ZNF516: variants seen among roughly 807,000 people sequenced by gnomAD.
ZNF516 encodes zinc finger protein 516.
Under a neutral mutation model 79.7 loss-of-function variants are expected in ZNF516, and 19 were observed. The observed-to-expected ratio is 0.24, with a 90% CI of 0.17 to 0.35. ZNF516 has a LOEUF of 0.35. Ranked by LOEUF, ZNF516 falls within the 10% of genes least tolerant of loss-of-function variation. The pLI is 1.00. For synonymous variants in ZNF516, 877 were observed against 739.5 expected, an observed-to-expected ratio of 1.19 and a Z score of -3.02; for missense variants, 1,678 against 1,679.5, an observed-to-expected ratio of 1.00 and a Z score of 0.02.
At chr18:76,465,675 C>T (rs1195761419) in intron 1 of ZNF516, among the ~76,000 whole-genome samples, 1 of 152,240 alleles carries the variant, frequency 6.6e-6, no homozygotes, top group African/African-American at 2.4e-5. Context: ...GGTTATCTTC[C>T]TCCCGGGAAC....
intron 3 of ZNF516, among the ~76,000 whole-genome samples, chr18:76,423,316 G>C (rs1195558290): frequency 6.6e-6 from 1 of 152,218 alleles, no homozygotes; most frequent in African/African-American, 2.4e-5. Context: ...GCGTGTTCTC[G>C]TTAATAAGTC....
intron 3 of ZNF516, among the ~76,000 whole-genome samples, chr18:76,392,195 A>G (rs1024764297): frequency 2.0e-5 from 3 of 152,238 alleles, no homozygotes; most frequent in Admixed American, 6.5e-5. Context: ...CACTGTCCCC[A>G]TGAAAATGAG....
rs1489948269 is a variant in ZNF516 at position 76,360,620 on chromosome 18, GA to G, written c.*1877del. On this transcript the variant is annotated 3_prime_UTR_variant, in exon 7 of 7. Transcript: ENST00000443185. ...GTACATATCTGGTGTAAGAATATCA[GA>G]AAAAAATAAGTAAAAAAAAAAAAAA... The G allele has an allele frequency of 5.0e-5, 1 of 20,172 alleles. No individual in the cohort carries two copies. Among genetic ancestry groups the G allele is most frequent in the African/African-American group, 2.0e-4 (1 of 4,946 alleles). 1.2% of individuals were successfully genotyped at this position (20,172 alleles called of 1,614,324 possible).
Position 76,457,364 on chromosome 18 carries a change from G to C in ZNF516, c.-158+5664C>G, listed in dbSNP as rs535455478. 2.0e-5 allele frequency among the ~76,000 whole-genome samples: 3 copies of C among 152,300 alleles called. No homozygotes were observed. The East Asian group carries it at 5.8e-4, about 29-fold the overall frequency. ...TCAAACTAGTTCTTAAATCCCTTAA[G>C]GGAAACTACGTTAACTAAATAAGAA... is the stretch of plus-strand genomic sequence containing the variant. On this transcript the variant is annotated intron_variant, in intron 2 of 6. Coordinates refer to ENST00000443185, the MANE Select transcript of ZNF516 (RefSeq NM_014643.4).
At chr18:76,453,118 A>T (rs1028644598) in intron 2 of ZNF516, among the ~76,000 whole-genome samples, 1 of 152,192 alleles carries the variant, frequency 6.6e-6, no homozygotes, top group Non-Finnish European at 1.5e-5. Flanking sequence ...AGTAAACTTC[A>T]CAGAACTAAA....
At chr18:76,462,694 A>C (rs1310604215) in intron 2 of ZNF516, among the ~76,000 whole-genome samples, 1 of 152,192 alleles carries the variant, frequency 6.6e-6, no homozygotes, top group Non-Finnish European at 1.5e-5. Context: ...TCGAGCCAAT[A>C]GTTTTCCAGA....
intron 2 of ZNF516, among the ~76,000 whole-genome samples, chr18:76,456,964 G>A (rs1358855451): frequency 6.6e-6 from 1 of 152,212 alleles, no homozygotes; most frequent in African/African-American, 2.4e-5. Flanking sequence ...ATCACGCACA[G>A]GTACCACCTG....
At chr18:76,491,663 C>T in intron 1 of ZNF516, 1 of 623,946 alleles carries the variant, frequency 1.6e-6, no homozygotes, top group Non-Finnish European at 2.0e-6. Flanking sequence ...CAACAAGCGG[C>T]CACCGCCCCC....
chr18:76,363,879 A>G (rs1025940889), intron 6 of ZNF516, among the ~76,000 whole-genome samples: 1 of 152,250 alleles, frequency 6.6e-6, no homozygotes, highest in African/African-American at 2.4e-5. Context: ...CATAGCAAAC[A>G]TAGACGTCAG....
intron 3 of ZNF516, among the ~76,000 whole-genome samples, chr18:76,422,801 G>C (rs1252642829): frequency 6.6e-6 from 1 of 152,082 alleles, no homozygotes; most frequent in Admixed American, 6.5e-5. Flanking sequence ...GGCAGAACAG[G>C]TTAGAAAGAA....
intron 3 of ZNF516, among the ~76,000 whole-genome samples, chr18:76,408,457 G>A (rs1210912092): frequency 6.6e-6 from 1 of 152,216 alleles, no homozygotes; most frequent in Non-Finnish European, 1.5e-5. Flanking sequence ...AAATTAAGAA[G>A]AAGTGCATGG....
intron 1 of ZNF516, among the ~76,000 whole-genome samples, chr18:76,480,277 T>C (rs1166335376): frequency 1.3e-5 from 2 of 152,062 alleles, no homozygotes; most frequent in African/African-American, 4.8e-5. Context: ...TCATTAACAT[T>C]AATTTTACGT....
intron 3 of ZNF516, chr18:76,388,360 G>A (rs535637389): frequency 3.0e-4 from 45 of 152,358 alleles, no homozygotes; most frequent in African/African-American, 1.0e-3. Context: ...ACACTACCAT[G>A]GGGCCAACGC....
intron 2 of ZNF516, among the ~76,000 whole-genome samples, chr18:76,458,440 T>C (rs1252569217): frequency 1.3e-5 from 2 of 152,178 alleles, no homozygotes; most frequent in East Asian, 1.9e-4. Context: ...CAAATACTCT[T>C]GCGCTTCTCT....
chr18:76,460,413 CAG>C, intron 2 of ZNF516, among the ~76,000 whole-genome samples: 1 of 152,268 alleles, frequency 6.6e-6, no homozygotes, highest in South Asian at 2.1e-4. Flanking sequence ...CTGGAGTTGT[CAG>C]AACATTCCTT....
In ZNF516 at chr18:76,362,017, CA is replaced by C. The variant is rs1043077207; in HGVS notation, c.*480del. 2 of 153,666 alleles carry C rather than the reference CA, an allele frequency of 1.3e-5. No homozygotes were observed. Among genetic ancestry groups the C allele is most frequent in the African/African-American group, 4.8e-5 (2 of 41,470 alleles). The allele number at this position is 153,666 out of a possible 1,614,324, so 9.5% of individuals were successfully genotyped here. ...AGTAGTATTAATACTCGATCAACCT[CA>C]AATCCACCACGTCTTGTTCTGACAT... On this transcript the variant is annotated 3_prime_UTR_variant, in exon 7 of 7. Transcript: ENST00000443185.
At position 76,442,553 on chromosome 18, in the gene ZNF516, C is replaced by T. The variant is rs765957420; in HGVS notation, c.502G>A (p.Gly168Arg). 1 of 1,599,090 alleles carries T rather than the reference C, an allele frequency of 6.3e-7. No homozygotes were observed. ...KGAEGSACAP[G>R]EAKAAVQCSF... The stretch of plus-strand genomic sequence containing the variant: ...CACTGGACCGCTGCCTTGGCCTCCC[C>T]CGGGGCGCATGCGGACCCCTCTGCC... The change falls in exon 3 of 7, where the codon GGG (glycine) becomes AGG (arginine). Residue 168 changes from glycine (G) to arginine (R), a missense_variant. Around this residue, in one of 5 missense-constraint regions of ZNF516, gnomAD observed 279 missense variants for 254.1 expected, o/e 1.10. Coordinates refer to ENST00000443185, the MANE Select transcript of ZNF516 (RefSeq NM_014643.4).
chr18:76,483,746 AAT>A (rs1388516432), intron 1 of ZNF516, among the ~76,000 whole-genome samples: 1 of 152,186 alleles, frequency 6.6e-6, no homozygotes. Flanking sequence ...CTCTTATAAA[AAT>A]ATGTTACTAT....
intron 1 of ZNF516, among the ~76,000 whole-genome samples, chr18:76,465,686 G>A (rs562150432): frequency 2.0e-5 from 3 of 152,326 alleles, no homozygotes; most frequent in South Asian, 2.1e-4. Flanking sequence ...TCCCGGGAAC[G>A]ATAACCCTGG....
Sources: allele counts gnomAD v4.1 joint callset (sites outside exome capture counted in the v4.1 genomes callset), GRCh38; gene constraint gnomAD v4.1.1; regional missense constraint gnomAD v4.1.1; transcripts MANE v1.5; gene names NCBI Gene and HGNC (gene_info 2026-07-23, HGNC 2026-07-21).